Variants in PTPRN2 observed in about 807,000 individuals in gnomAD.
PTPRN2 encodes the protein receptor-type tyrosine-protein phosphatase N2.
A neutral mutation model predicts 118.8 loss-of-function variants in PTPRN2; 74 were observed. That is an observed-to-expected ratio of 0.62 (90% CI 0.52 to 0.76). The LOEUF is 0.76. Ranked by LOEUF, PTPRN2 falls within the 30% of genes least tolerant of loss-of-function variation. The probability of loss-of-function intolerance (pLI) is 0.00; values close to 1 mark genes in which losing one functional copy is unlikely to be tolerated. For synonymous variants in PTPRN2, 641 were observed against 608.0 expected, an observed-to-expected ratio of 1.05 and a Z score of -0.80; for missense variants, 1,481 against 1,394.4, an observed-to-expected ratio of 1.06 and a Z score of -0.99.
chr7:158,020,490 G>T (rs1422157019), intron 11 of PTPRN2, among the ~76,000 whole-genome samples: 1 of 152,212 alleles, frequency 6.6e-6, no homozygotes, highest in Non-Finnish European at 1.5e-5. Flanking sequence ...CAGAAGTGGG[G>T]TTTGGCCTGC....
In PTPRN2 at chr7:157,621,494, G is replaced by A; in HGVS notation, c.2212C>T (p.His738Tyr). Residue 738 changes from histidine to tyrosine, a missense_variant, in exon 15 of 23, where the codon CAC becomes TAC. This residue lies in a region of PTPRN2 where 362 missense variants were observed against 384.1 expected (regional missense o/e 0.94). Coordinates refer to ENST00000389418, the MANE Select transcript of PTPRN2 (RefSeq NM_002847.5). Reference sequence around the variant, plus strand: ...TCCAGCCGGTTCTTGTTCTTCAGGTGGTCCTCCATGTAGGACTGAAAGGGA... The same window carrying A: ...TCCAGCCGGTTCTTGTTCTTCAGGTAGTCCTCCATGTAGGACTGAAAGGGA... ...GHMILSYMED[H>Y]LKNKNRLEKE... is the part of the protein sequence containing the mutation. 6.2e-7 allele frequency: 1 copy of A among 1,613,314 alleles called. No individual in the cohort carries two copies. The highest frequency in any genetic ancestry group is 1.1e-5 in the South Asian group (1 of 91,090).
intron 3 of PTPRN2, among the ~76,000 whole-genome samples, chr7:158,251,637 G>T (rs1387592771): frequency 8.3e-6 from 1 of 120,482 alleles, no homozygotes; most frequent in African/African-American, 3.3e-5. Flanking sequence ...GATGTCTATG[G>T]TGCACATGTG....
At chr7:157,646,001 G>C (rs1805045908) in intron 14 of PTPRN2, among the ~76,000 whole-genome samples, 1 of 152,258 alleles carries the variant, frequency 6.6e-6, no homozygotes, top group Non-Finnish European at 1.5e-5. Context: ...TTTCAGTTTA[G>C]AGATTAGCAG....
At chr7:157,832,898 A>T (rs979735984) in intron 12 of PTPRN2, among the ~76,000 whole-genome samples, 1 of 152,266 alleles carries the variant, frequency 6.6e-6, no homozygotes, top group African/African-American at 2.4e-5. Flanking sequence ...CAATGGAGAA[A>T]ATAGCCAACT....
At chr7:158,169,419 T>A (rs753430605) in intron 5 of PTPRN2, among the ~76,000 whole-genome samples, 36 of 83,708 alleles carry the variant, frequency 4.3e-4, no homozygotes, top group African/African-American at 1.3e-3. Context: ...CTTTTGTGAG[T>A]GTGTGTGTGT....
chr7:158,532,930 G>C, intron 1 of PTPRN2: 1 of 415,850 alleles, frequency 2.4e-6, no homozygotes, highest in Non-Finnish European at 5.1e-6. Context: ...CTCCTGACTG[G>C]CCTCTCTCTA....
intron 2 of PTPRN2, among the ~76,000 whole-genome samples, chr7:158,404,256 C>T (rs962529290): frequency 3.3e-5 from 5 of 152,234 alleles, no homozygotes. Flanking sequence ...GTTTGTGCTG[C>T]TGTGTCACAC....
chr7:157,559,007 G>C (rs748239177), intron 21 of PTPRN2, among the ~76,000 whole-genome samples: 1 of 152,234 alleles, frequency 6.6e-6, no homozygotes, highest in Non-Finnish European at 1.5e-5. Flanking sequence ...GGAGGGAGCC[G>C]AGGGGCCGCG....
chr7:157,709,915 T>C (rs1252194820), intron 12 of PTPRN2, among the ~76,000 whole-genome samples: 3 of 152,178 alleles, frequency 2.0e-5, no homozygotes, highest in Non-Finnish European at 4.4e-5. Flanking sequence ...GGGGGAGCAG[T>C]GGTTCCTTAC....
At chr7:157,960,867 C>T (rs1245771448) in intron 11 of PTPRN2, among the ~76,000 whole-genome samples, 1 of 152,092 alleles carries the variant, frequency 6.6e-6, no homozygotes, top group Non-Finnish European at 1.5e-5. Flanking sequence ...ATCAGCCAGG[C>T]ATGGTGATGG....
At chr7:157,646,909 CA>C (rs1423751207) in intron 14 of PTPRN2, among the ~76,000 whole-genome samples, 3 of 151,672 alleles carry the variant, frequency 2.0e-5, no homozygotes, top group Non-Finnish European at 4.4e-5. Flanking sequence ...CAGACCCATC[CA>C]GTGTGCACTG....
intron 1 of PTPRN2, among the ~76,000 whole-genome samples, chr7:158,556,918 C>T (rs1290145869): frequency 3.9e-5 from 5 of 127,742 alleles, no homozygotes; most frequent in Admixed American, 8.0e-5. Context: ...GTCGCTCCCA[C>T]GCAGGTCAGG....
intron 3 of PTPRN2, among the ~76,000 whole-genome samples, chr7:158,264,225 G>A (rs530487587): frequency 5.3e-5 from 8 of 152,222 alleles, no homozygotes; most frequent in Non-Finnish European, 1.0e-4. Flanking sequence ...GCCTGAAAAT[G>A]TCGTGGTAGA....
chr7:158,496,145 G>A (rs1292966070), intron 1 of PTPRN2, among the ~76,000 whole-genome samples: 2 of 151,862 alleles, frequency 1.3e-5, no homozygotes, highest in Admixed American at 1.3e-4. Context: ...GAGAGGGACT[G>A]ACTGCTTCCC....
intron 2 of PTPRN2, among the ~76,000 whole-genome samples, chr7:158,318,606 GA>G (rs1802544765): frequency 6.6e-6 from 1 of 152,222 alleles, no homozygotes. Flanking sequence ...GGGAGGCTCA[GA>G]AGCCCAGGGC....
At chr7:157,985,722 T>G (rs969679715) in intron 11 of PTPRN2, among the ~76,000 whole-genome samples, 1 of 152,244 alleles carries the variant, frequency 6.6e-6, no homozygotes, top group Non-Finnish European at 1.5e-5. Flanking sequence ...TGTTTTCTAC[T>G]CACTGCACAG....
intron 14 of PTPRN2, among the ~76,000 whole-genome samples, chr7:157,640,401 A>G (rs1188483025): frequency 6.6e-6 from 1 of 152,226 alleles, no homozygotes. Flanking sequence ...AGAAAATAGG[A>G]AAGGGATTTA....
intron 2 of PTPRN2, among the ~76,000 whole-genome samples, chr7:158,419,625 C>T (rs769796138): frequency 2.6e-5 from 4 of 152,112 alleles, no homozygotes; most frequent in African/African-American, 4.8e-5. Context: ...AGCCTCACCA[C>T]GCAGCACTGC....
intron 2 of PTPRN2, among the ~76,000 whole-genome samples, chr7:158,327,499 GTTCTCACACACATGAACA>G (rs1371994386): frequency 6.6e-6 from 1 of 151,322 alleles, no homozygotes; most frequent in Non-Finnish European, 1.5e-5. Flanking sequence ...ACATGCACAA[GTTCTCACACACATGAACA>G]TTCTCACACA....
Sources: allele counts gnomAD v4.1 joint callset (sites outside exome capture counted in the v4.1 genomes callset), GRCh38; gene constraint gnomAD v4.1.1; regional missense constraint gnomAD v4.1.1; transcripts MANE v1.5; gene names NCBI Gene and HGNC (gene_info 2026-07-23, HGNC 2026-07-21).